Variants in MICU2 observed in about 807,000 individuals in gnomAD.
The protein encoded by MICU2 is calcium uptake protein 2, mitochondrial.
MICU2 carries 64 observed loss-of-function variants against 60.4 expected under a neutral mutation model. The ratio of observed to expected loss-of-function variants is 1.06; its 90% CI spans 0.87 to 1.31. The LOEUF is 1.31. Ranked by LOEUF, MICU2 falls within the 50% of genes most tolerant of loss-of-function variation. The pLI is 0.00. For synonymous variants in MICU2, 201 were observed against 175.0 expected, an observed-to-expected ratio of 1.15 and a Z score of -1.17; for missense variants, 569 against 531.0, an observed-to-expected ratio of 1.07 and a Z score of -0.70.
intron 11 of MICU2, among the ~76,000 whole-genome samples, chr13:21,494,055 A>G (rs1445256031): frequency 2.0e-5 from 3 of 152,184 alleles, no homozygotes; most frequent in African/African-American, 7.2e-5. Flanking sequence ...TCTTCTGAGA[A>G]AGGGCAAGGA....
chr13:21,561,794 C>T (rs1176226878), intron 2 of MICU2, among the ~76,000 whole-genome samples: 2 of 147,536 alleles, frequency 1.4e-5, no homozygotes, highest in Non-Finnish European at 3.0e-5. Flanking sequence ...ATGTGCCATG[C>T]TGGTGTGCTG....
intron 2 of MICU2, among the ~76,000 whole-genome samples, chr13:21,555,280 T>C (rs1263898668): frequency 1.3e-5 from 2 of 152,210 alleles, no homozygotes; most frequent in African/African-American, 2.4e-5. Context: ...AATAAAATAC[T>C]GGCAAACCGA....
At chr13:21,570,936 CAT>C (rs1378132289) in intron 1 of MICU2, among the ~76,000 whole-genome samples, 1 of 152,214 alleles carries the variant, frequency 6.6e-6, no homozygotes, top group Non-Finnish European at 1.5e-5. Context: ...CAACTAAAAA[CAT>C]AGTTTACAAT....
chr13:21,565,651 C>A (rs1887963080), intron 2 of MICU2, among the ~76,000 whole-genome samples: 1 of 152,132 alleles, frequency 6.6e-6, no homozygotes, highest in Non-Finnish European at 1.5e-5. Flanking sequence ...GAGCGAGACT[C>A]CGTCTCAAAA....
chr13:21,505,592 A>AAT (rs1174325239), intron 8 of MICU2, among the ~76,000 whole-genome samples: 1 of 152,204 alleles, frequency 6.6e-6, no homozygotes, highest in African/African-American at 2.4e-5. Flanking sequence ...GTAAAAAAAA[A>AAT]ATCAGAAAAG....
Position 21,531,471 on chromosome 13 carries a change from T to C in MICU2, c.466+7831A>G, listed in dbSNP as rs1016062676. The C allele has an allele frequency of 1.6e-5, 10 of 615,816 alleles. No individual in the cohort carries two copies. In the African/African-American group the frequency reaches 1.7e-4, roughly 10 times the overall value. 38.1% of individuals were successfully genotyped at this position (615,816 alleles called of 1,614,324 possible). On this transcript the variant is annotated intron_variant, in intron 4 of 11. Transcript: ENST00000382374. ...GCTTTTTAACAAGAACTGATGCTCC[T>C]TGGGTGCTGCTGCTACTCAGACTAG...
intron 1 of MICU2, among the ~76,000 whole-genome samples, chr13:21,568,282 T>C (rs1002650380): frequency 1.3e-5 from 2 of 152,206 alleles, no homozygotes; most frequent in African/African-American, 4.8e-5. Flanking sequence ...ATTCTCTCTC[T>C]TAATTAGACA....
chr13:21,496,846 A>G (rs4770168), intron 9 of MICU2, among the ~76,000 whole-genome samples: 144,365 of 152,022 alleles, frequency 0.95, 68,689 homozygotes, highest in East Asian at 1. Context: ...ACGAGGTCGG[A>G]AGATGGAGAC....
At chr13:21,506,827 T>A (rs1189209473) in intron 8 of MICU2, among the ~76,000 whole-genome samples, 1 of 152,210 alleles carries the variant, frequency 6.6e-6, no homozygotes, top group Non-Finnish European at 1.5e-5. Flanking sequence ...CACTCCTGTA[T>A]TTTCAGCCTT....
chr13:21,539,725 T>C, intron 2 of MICU2, 37 bp from the exon 3 acceptor site: 2 of 1,594,808 alleles, frequency 1.3e-6, no homozygotes, highest in Non-Finnish European at 1.7e-6. Context: ...GTATCCATAT[T>C]CTTTGGTAAA....
intron 1 of MICU2, chr13:21,602,596 T>C (rs1269329294): frequency 1.3e-5 from 2 of 152,048 alleles, no homozygotes; most frequent in Admixed American, 1.3e-4. Flanking sequence ...TAATGATGAA[T>C]ACACTGAACT....
At chr13:21,502,859 CTTT>C in intron 9 of MICU2, 64 bp downstream of exon 9, 1 of 1,456,348 alleles carries the variant, frequency 6.9e-7, no homozygotes, top group Non-Finnish European at 9.4e-7. Context: ...TCAGAAGTTA[CTTT>C]ATGTAAACAT....
intron 1 of MICU2, among the ~76,000 whole-genome samples, chr13:21,587,305 C>T (rs775581012): frequency 1.3e-5 from 2 of 152,088 alleles, no homozygotes; most frequent in African/African-American, 2.4e-5. Context: ...AATTATCTCC[C>T]CACAAAATAC....
intron 4 of MICU2, among the ~76,000 whole-genome samples, chr13:21,525,342 A>G (rs1437011381): frequency 2.0e-5 from 3 of 151,086 alleles, no homozygotes; most frequent in South Asian, 4.2e-4. Flanking sequence ...ACAGGCGCCC[A>G]CCACCACGCC....
chr13:21,521,280 C>T lies in MICU2; in HGVS notation c.562G>A (p.Gly188Ser). 1.2e-6 allele frequency: 2 copies of T among 1,609,244 alleles called. No homozygotes were observed. The highest frequency in any genetic ancestry group is 8.5e-7 in the Non-Finnish European group (1 of 1,178,378). Residue 188 changes from glycine (G) to serine (S), a missense_variant, in exon 6 of 12, where the codon GGT becomes AGT. By Grantham distance (56) the Gly-to-Ser change is moderately conservative. Transcript: ENST00000382374. ...HVAFKMLDTD[G>S]NEMIEKREFF... The stretch of plus-strand genomic sequence containing the variant: ...TCCCTTTTTTCAATCATCTCATTAC[C>T]ATCTGTATCCAGCATTTTAAAAGCA...
chr13:21,525,114 T>C (rs1490253609), intron 4 of MICU2, among the ~76,000 whole-genome samples: 1 of 152,122 alleles, frequency 6.6e-6, no homozygotes, highest in African/African-American at 2.4e-5. Flanking sequence ...AGCCCCTGCT[T>C]TCATTTCTTT....
intron 6 of MICU2, among the ~76,000 whole-genome samples, chr13:21,520,899 CTT>C (rs1449745948): frequency 6.6e-6 from 1 of 151,798 alleles, no homozygotes; most frequent in Non-Finnish European, 1.5e-5. Flanking sequence ...TTTTGTATAT[CTT>C]TAATAATTTT....
At chr13:21,567,035 G>T in intron 1 of MICU2, 91 bp from the exon 2 acceptor site, 1 of 1,082,980 alleles carries the variant, frequency 9.2e-7, no homozygotes, top group Non-Finnish European at 1.3e-6. Context: ...TTTCACGCTT[G>T]GATCTGACAA....
At chr13:21,524,224 A>G (rs530778982) in intron 4 of MICU2, among the ~76,000 whole-genome samples, 1 of 152,312 alleles carries the variant, frequency 6.6e-6, no homozygotes, top group South Asian at 2.1e-4. Flanking sequence ...ATGCAACAAC[A>G]GAGAGAATAA....
Sources: allele counts gnomAD v4.1 joint callset (sites outside exome capture counted in the v4.1 genomes callset), GRCh38; gene constraint gnomAD v4.1.1; transcripts MANE v1.5; gene names NCBI Gene and HGNC (gene_info 2026-07-23, HGNC 2026-07-21).